Variants in ARHGEF9 observed in about 807,000 individuals in gnomAD.
ARHGEF9 encodes the protein Cdc42 guanine nucleotide exchange factor 9, also known as rho guanine nucleotide exchange factor 9.
In ARHGEF9, 2 loss-of-function variants were observed where a neutral mutation model predicts 41.3. The observed-to-expected ratio is 0.05, with a 90% CI of 0.02 to 0.15. The LOEUF (loss-of-function observed/expected upper bound fraction) is 0.15, where lower values mean the gene tolerates loss of function less well. Among genes scored for constraint, ARHGEF9 ranks in the 10% least tolerant of loss-of-function variants. ARHGEF9 has a pLI of 1.00. For missense variants in ARHGEF9, 225 were observed against 424.7 expected (o/e 0.53, Z 4.13); for synonymous variants, 160 against 154.4 (o/e 1.04, Z -0.27).
In ARHGEF9 at chrX:63,725,784, T is replaced by C. The variant is rs1317154969; in HGVS notation, c.31-1073A>G. ...ATTCCAGAATAGAGAACACATGGCCTATCAGGCAAAGAGACTCAAGCACTC... is the reference window on the plus strand; with the variant it reads ...ATTCCAGAATAGAGAACACATGGCCCATCAGGCAAAGAGACTCAAGCACTC... On this transcript the variant is annotated intron_variant, in intron 1 of 9. Transcript: ENST00000671741. 2.7e-5 allele frequency: 3 copies of C among 112,305 alleles called. No homozygotes were observed. In the Admixed American group the frequency reaches 2.8e-4, roughly 11 times the overall value. 9.3% of individuals were successfully genotyped at this position (112,305 alleles called of 1,213,427 possible).
At chrX:63,680,842 T>A (rs2050577487) in intron 4 of ARHGEF9, among the ~76,000 whole-genome samples, 1 of 110,172 alleles carries the variant, frequency 9.1e-6, no homozygotes, top group Non-Finnish European at 1.9e-5. Flanking sequence ...TCCTTTTGAG[T>A]TTTAGGAGAA....
chrX:63,679,166 T>C (rs2050458909), intron 4 of ARHGEF9, among the ~76,000 whole-genome samples: 1 of 111,259 alleles, frequency 9.0e-6, no homozygotes, highest in South Asian at 3.8e-4. Flanking sequence ...TATGTATGTA[T>C]GGACATATAA....
At chrX:63,680,236 T>C (rs2050532526) in intron 4 of ARHGEF9, among the ~76,000 whole-genome samples, 1 of 112,118 alleles carries the variant, frequency 8.9e-6, no homozygotes, top group Admixed American at 9.4e-5. Context: ...TGGAAAAGCT[T>C]AGGGGTCCAC....
At position 63,739,889 on chromosome X, in the gene ARHGEF9, C is replaced by T. The variant is rs1381707126; in HGVS notation, c.31-15178G>A. 5.3e-5 allele frequency among the ~76,000 whole-genome samples: 6 copies of T among 112,223 alleles called. No individual in the cohort carries two copies. The South Asian group carries it at 1.9e-3, about 35-fold the overall frequency. ...AGAGACTACAGTTAAGCCCATTCCA[C>T]AGACCAGAAAACTGAGGGTCAGGAG... On this transcript the variant is annotated intron_variant, in intron 1 of 9. Transcript: ENST00000671741.
At chrX:63,740,850 T>C (rs782081343) in intron 1 of ARHGEF9, among the ~76,000 whole-genome samples, 1 of 111,486 alleles carries the variant, frequency 9.0e-6, no homozygotes, top group Non-Finnish European at 1.9e-5. Flanking sequence ...TGAGGAACTC[T>C]AAAAATAGCA....
At chrX:63,784,031 T>A (rs868949954) in intron 1 of ARHGEF9, among the ~76,000 whole-genome samples, 8 of 111,041 alleles carry the variant, frequency 7.2e-5, no homozygotes, top group South Asian at 7.5e-4. Context: ...AGATTCCCTC[T>A]TCCCCTCCAC....
At chrX:63,662,750 T>C (rs2049296712) in intron 7 of ARHGEF9, among the ~76,000 whole-genome samples, 1 of 112,279 alleles carries the variant, frequency 8.9e-6, no homozygotes, top group Non-Finnish European at 1.9e-5. Flanking sequence ...ATTGAGTTAA[T>C]AAGTGTAAAG....
At chrX:63,682,130 CTTCA>C in intron 4 of ARHGEF9, among the ~76,000 whole-genome samples, 1 of 97,047 alleles carries the variant, frequency 1.0e-5, no homozygotes, top group Admixed American at 1.1e-4. Context: ...CTCTTAAACT[CTTCA>C]ATAAATAAAT....
intron 1 of ARHGEF9, among the ~76,000 whole-genome samples, chrX:63,730,713 C>A (rs1556419583): frequency 1.8e-5 from 2 of 111,856 alleles, no homozygotes; most frequent in African/African-American, 6.5e-5. Flanking sequence ...TCTTCTGATG[C>A]CTCATTCTTC....
intron 1 of ARHGEF9, among the ~76,000 whole-genome samples, chrX:63,748,392 A>C (rs1487750190): frequency 1.8e-5 from 2 of 112,653 alleles, no homozygotes; most frequent in African/African-American, 6.5e-5. Context: ...CAATAGTCCA[A>C]CCAAACAAAT....
intron 2 of ARHGEF9, among the ~76,000 whole-genome samples, chrX:63,716,844 G>A (rs2053335839): frequency 8.9e-6 from 1 of 111,832 alleles, no homozygotes; most frequent in Non-Finnish European, 1.9e-5. Context: ...CAACCCACAA[G>A]GGAAAGTGAA....
At chrX:63,669,490 ACAGT>A (rs1220506340) in intron 6 of ARHGEF9, among the ~76,000 whole-genome samples, 1 of 111,793 alleles carries the variant, frequency 8.9e-6, no homozygotes, top group Non-Finnish European at 1.9e-5. Flanking sequence ...ACTCAAACTA[ACAGT>A]CAGTCTTATG....
chrX:63,744,022 T>G (rs1428426815), intron 1 of ARHGEF9, among the ~76,000 whole-genome samples: 1 of 110,501 alleles, frequency 9.0e-6, no homozygotes, highest in Non-Finnish European at 1.9e-5. Flanking sequence ...GTAAAAAGAG[T>G]CCTCCAAAAA....
At chrX:63,781,983 G>C (rs782040764) in intron 1 of ARHGEF9, among the ~76,000 whole-genome samples, 1 of 111,838 alleles carries the variant, frequency 8.9e-6, no homozygotes, top group African/African-American at 3.3e-5. Flanking sequence ...TTGCTCAAAT[G>C]CCCCTTAACT....
chrX:63,743,609 A>C (rs1215439285), intron 1 of ARHGEF9, among the ~76,000 whole-genome samples: 1 of 112,446 alleles, frequency 8.9e-6, no homozygotes, highest in Non-Finnish European at 1.9e-5. Flanking sequence ...TTGGGCAAGA[A>C]CCTGCAATTT....
Position 63,673,307 on chromosome X carries a change from C to T in ARHGEF9, c.945+731G>A, listed in dbSNP as rs1556357761. 2.7e-5 allele frequency among the ~76,000 whole-genome samples: 3 copies of T among 111,363 alleles called. No individual in the cohort carries two copies. The Admixed American group carries it at 2.9e-4, about 11-fold the overall frequency. ...GACCACAAGGCTTAAGATTGCTAAT[C>T]CCTCCCTAGTAGCACGTCCAGCCTC... is the stretch of plus-strand genomic sequence containing the variant. On this transcript the variant is annotated intron_variant, in intron 6 of 9. Coordinates refer to ENST00000671741, the MANE Select transcript of ARHGEF9 (RefSeq NM_001353921.2).
chrX:63,762,317 C>T (rs2056048202), intron 1 of ARHGEF9, among the ~76,000 whole-genome samples: 1 of 111,611 alleles, frequency 9.0e-6, no homozygotes, highest in Non-Finnish European at 1.9e-5. Flanking sequence ...GGTAGGTGGG[C>T]AGGTAGGTAG....
In ARHGEF9 at chrX:63,636,566, C is replaced by T; in HGVS notation, c.*1462G>A. ...GATGAGAGGATGTTGGAAACACGGC[C>T]TTCTTTGAGTGCCAGAACAGCTTTA... On this transcript the variant is annotated 3_prime_UTR_variant, in exon 10 of 10. Coordinates refer to ENST00000671741, the MANE Select transcript of ARHGEF9 (RefSeq NM_001353921.2). The T allele has an allele frequency of 5.6e-6, 1 of 179,664 alleles. No individual in the cohort carries two copies. Among genetic ancestry groups the T allele is most frequent in the Non-Finnish European group, 1.0e-5 (1 of 96,379 alleles). 14.8% of individuals were successfully genotyped at this position (179,664 alleles called of 1,213,427 possible).
chrX:63,670,808 G>C (rs1393272293), intron 6 of ARHGEF9, among the ~76,000 whole-genome samples: 1 of 111,859 alleles, frequency 8.9e-6, no homozygotes, highest in African/African-American at 3.3e-5. Flanking sequence ...CTGGGGGGTG[G>C]GGTAAAAGGA....
Sources: gnomAD v4.1 joint callset for allele counts (sites outside exome capture counted in the v4.1 genomes callset) on GRCh38, gnomAD v4.1.1 for gene constraint, MANE v1.5 for transcripts, NCBI Gene and HGNC (gene_info 2026-07-23, HGNC 2026-07-21) for gene names.